Variants in LHFPL2 observed in about 807,000 individuals in gnomAD.
LHFPL2 encodes the protein LHFPL tetraspan subfamily member 2 protein.
A neutral mutation model predicts 17.5 loss-of-function variants in LHFPL2; 7 were observed. The ratio of observed to expected loss-of-function variants is 0.40; its 90% CI spans 0.23 to 0.75. LHFPL2 has a LOEUF of 0.75. Among genes scored for constraint, LHFPL2 ranks in the 30% least tolerant of loss-of-function variants. The pLI, the probability that LHFPL2 is intolerant of heterozygous loss-of-function variation, is 0.37. For synonymous variants in LHFPL2, 134 were observed against 116.2 expected (o/e 1.15, Z -0.99); for missense variants, 241 against 294.8 (o/e 0.82, Z 1.34).
chr5:78,642,837 A>G (rs1364720655), intron 1 of LHFPL2, among the ~76,000 whole-genome samples: 2 of 152,210 alleles, frequency 1.3e-5, no homozygotes, highest in Admixed American at 6.5e-5. Flanking sequence ...GCCATGACCC[A>G]TAACAGTCAA....
intron 4 of LHFPL2, among the ~76,000 whole-genome samples, chr5:78,500,628 CA>C (rs1398250861): frequency 6.6e-6 from 1 of 152,098 alleles, no homozygotes; most frequent in Non-Finnish European, 1.5e-5. Flanking sequence ...TCTTCAGTAC[CA>C]AAACTTCAGT....
chr5:78,631,705 G>A (rs1218549667), intron 2 of LHFPL2, among the ~76,000 whole-genome samples: 3 of 152,210 alleles, frequency 2.0e-5, no homozygotes, highest in East Asian at 3.8e-4. Context: ...GGAGGCCAAC[G>A]CAGGCGGATC....
At chr5:78,541,585 G>C (rs1384546297) in intron 3 of LHFPL2, among the ~76,000 whole-genome samples, 1 of 152,206 alleles carries the variant, frequency 6.6e-6, no homozygotes, top group Non-Finnish European at 1.5e-5. Context: ...TTTGGGGAAG[G>C]AGGTGGGGGT....
At chr5:78,617,838 T>C (rs28378983) in intron 2 of LHFPL2, among the ~76,000 whole-genome samples, 55,139 of 152,034 alleles carry the variant, frequency 0.36, 10,983 homozygotes, top group Middle Eastern at 0.48. Context: ...AATAGTTTGA[T>C]AGACTATGCC....
At chr5:78,517,684 G>T (rs1427448337) in intron 3 of LHFPL2, among the ~76,000 whole-genome samples, 1 of 152,120 alleles carries the variant, frequency 6.6e-6, no homozygotes, top group African/African-American at 2.4e-5. Context: ...AGAACAGCAT[G>T]GGAAAAACTC....
intron 2 of LHFPL2, among the ~76,000 whole-genome samples, chr5:78,603,133 C>T (rs1205546707): frequency 6.6e-6 from 1 of 152,076 alleles, no homozygotes; most frequent in African/African-American, 2.4e-5. Context: ...ACCTCGTGAT[C>T]CACCTGCCTC....
chr5:78,521,122 A>G (rs1181344909), intron 3 of LHFPL2, among the ~76,000 whole-genome samples: 3 of 152,260 alleles, frequency 2.0e-5, no homozygotes, highest in Non-Finnish European at 2.9e-5. Flanking sequence ...AGCCAGCACT[A>G]TGGGAGACTC....
At chr5:78,623,484 G>T (rs1356971596) in intron 2 of LHFPL2, among the ~76,000 whole-genome samples, 12 of 152,184 alleles carry the variant, frequency 7.9e-5, no homozygotes, top group Admixed American at 2.0e-4. Flanking sequence ...AAGAGAGAGA[G>T]AACTATTGCA....
At chr5:78,527,687 A>G (rs906809190) in intron 3 of LHFPL2, among the ~76,000 whole-genome samples, 1 of 151,638 alleles carries the variant, frequency 6.6e-6, no homozygotes, top group African/African-American at 2.4e-5. Flanking sequence ...TTCACAAAGA[A>G]AAAAAAAAGA....
chr5:78,601,609 A>G (rs1744017753), intron 2 of LHFPL2, among the ~76,000 whole-genome samples: 1 of 152,236 alleles, frequency 6.6e-6, no homozygotes, highest in Admixed American at 6.5e-5. Context: ...AGTGAATTCA[A>G]CAGCACTAGA....
chr5:78,612,203 A>C (rs1744443527), intron 2 of LHFPL2, among the ~76,000 whole-genome samples: 1 of 152,216 alleles, frequency 6.6e-6, no homozygotes, highest in South Asian at 2.1e-4. Flanking sequence ...CTTTGTGAAG[A>C]CTTCTCCCAT....
intron 4 of LHFPL2, among the ~76,000 whole-genome samples, chr5:78,495,684 C>G (rs1421075587): frequency 3.3e-5 from 5 of 152,204 alleles, no homozygotes; most frequent in Non-Finnish European, 7.3e-5. Context: ...TATTCCACAG[C>G]TATGAAATAT....
chr5:78,512,767 CT>C (rs34696428), intron 3 of LHFPL2, among the ~76,000 whole-genome samples: 35,946 of 137,670 alleles, frequency 0.26, 4,589 homozygotes, highest in East Asian at 0.47. Context: ...TTTTTCTTTT[CT>C]TTTTTTTTTT....
At chr5:78,493,823 T>C (rs924279909) in intron 4 of LHFPL2, among the ~76,000 whole-genome samples, 2 of 152,194 alleles carry the variant, frequency 1.3e-5, no homozygotes, top group African/African-American at 4.8e-5. Flanking sequence ...AATCAATAAC[T>C]TCTTCAATGG....
chr5:78,528,340 A>G (rs915732030), intron 3 of LHFPL2, among the ~76,000 whole-genome samples: 8 of 152,274 alleles, frequency 5.3e-5, no homozygotes, highest in Non-Finnish European at 7.4e-5. Context: ...TTACCACCTG[A>G]GCTCTGCCTC....
At chr5:78,489,531 G>T (rs1227449507) in intron 4 of LHFPL2, among the ~76,000 whole-genome samples, 9 of 152,150 alleles carry the variant, frequency 5.9e-5, no homozygotes, top group African/African-American at 1.9e-4. Context: ...AGCCTCCCAA[G>T]TAGCTCGGAT....
rs909744905 is a variant in LHFPL2 at position 78,549,649 on chromosome 5, G to T, written c.-186+15164C>A. ...TCTGCTCGATTTTCTTTCATCAGGA[G>T]TAAGTTTATAGAGGCGGAGGAAGAC... is the stretch of plus-strand genomic sequence containing the variant. On this transcript the variant is annotated intron_variant, in intron 3 of 4. Coordinates refer to ENST00000380345, the MANE Select transcript of LHFPL2 (RefSeq NM_005779.3). 5.9e-5 allele frequency among the ~76,000 whole-genome samples: 9 copies of T among 152,348 alleles called. No homozygotes were observed. In the East Asian group the frequency reaches 1.7e-3, roughly 29 times the overall value.
chr5:78,525,995 G>T (rs1248339247), intron 3 of LHFPL2, among the ~76,000 whole-genome samples: 1 of 152,218 alleles, frequency 6.6e-6, no homozygotes, highest in Admixed American at 6.5e-5. Flanking sequence ...GAAGAAGGCA[G>T]CAGAGCCACC....
intron 2 of LHFPL2, among the ~76,000 whole-genome samples, chr5:78,594,519 A>C (rs1359902278): frequency 6.6e-6 from 1 of 152,232 alleles, no homozygotes; most frequent in Admixed American, 6.5e-5. Flanking sequence ...CATCTAACAA[A>C]TTAATCAAAA....
Sources: gnomAD v4.1 joint callset for allele counts (sites outside exome capture counted in the v4.1 genomes callset) on GRCh38, gnomAD v4.1.1 for gene constraint, MANE v1.5 for transcripts, NCBI Gene and HGNC (gene_info 2026-07-23, HGNC 2026-07-21) for gene names.